AGBL1: variants seen among roughly 807,000 people sequenced by gnomAD.
AGBL1 encodes cytosolic carboxypeptidase 4.
AGBL1 carries 130 observed loss-of-function variants against 118.9 expected under a neutral mutation model. The ratio of observed to expected loss-of-function variants is 1.09; its 90% CI spans 0.95 to 1.26. The LOEUF is 1.26. AGBL1 is among the 50% of genes most tolerant of loss of function. The probability of loss-of-function intolerance (pLI) is 0.00; values close to 1 mark genes in which losing one functional copy is unlikely to be tolerated. For missense variants in AGBL1, 1,584 were observed against 1,298.1 expected, an observed-to-expected ratio of 1.22 and a Z score of -3.38; for synonymous variants, 555 against 478.9, an observed-to-expected ratio of 1.16 and a Z score of -2.08.
chr15:87,016,349 C>T (rs866290931), intron 24 of AGBL1, among the ~76,000 whole-genome samples: 2 of 152,242 alleles, frequency 1.3e-5, no homozygotes, highest in Middle Eastern at 3.4e-3. Context: ...TGGACTCAGC[C>T]TGGAGGAGTT....
intron 22 of AGBL1, among the ~76,000 whole-genome samples, chr15:86,679,484 T>C (rs1284682277): frequency 6.6e-6 from 1 of 152,110 alleles, no homozygotes; most frequent in Non-Finnish European, 1.5e-5. Flanking sequence ...CCAGGGATTT[T>C]TCTGTTTTTC....
chr15:86,565,404 C>A (rs951986111), intron 21 of AGBL1, among the ~76,000 whole-genome samples: 4 of 152,346 alleles, frequency 2.6e-5, no homozygotes, highest in South Asian at 4.1e-4. Context: ...CACTCCAGAC[C>A]CTGTTTGCCT....
chr15:86,167,531 C>A (rs2077358620), intron 5 of AGBL1, among the ~76,000 whole-genome samples: 1 of 152,248 alleles, frequency 6.6e-6, no homozygotes, highest in African/African-American at 2.4e-5. Flanking sequence ...TAGGCGTGAA[C>A]CGCCATGCCT....
chr15:86,172,315 CAG>C (rs1267029755), intron 5 of AGBL1, among the ~76,000 whole-genome samples: 2 of 152,244 alleles, frequency 1.3e-5, no homozygotes, highest in African/African-American at 4.8e-5. Flanking sequence ...ATGATAAAAT[CAG>C]AGTGTTTAGG....
intron 16 of AGBL1, among the ~76,000 whole-genome samples, chr15:86,287,468 A>G (rs2079472551): frequency 6.6e-6 from 1 of 152,100 alleles, no homozygotes; most frequent in East Asian, 1.9e-4. Flanking sequence ...TTTTCATCTC[A>G]TAGCTTTACA....
At chr15:86,758,719 C>T (rs752289668) in intron 22 of AGBL1, among the ~76,000 whole-genome samples, 1 of 151,830 alleles carries the variant, frequency 6.6e-6, no homozygotes, top group African/African-American at 2.4e-5. Context: ...TACCCAAAAT[C>T]CCAGCACTTT....
In AGBL1 at chr15:86,747,007, C is replaced by G. The variant is rs555738307; in HGVS notation, c.3158+72571C>G. ...ATTCAGTAACTCAGCAATTAAGTGG[C>G]ATGCTCATTTCCATAATGGAAACTG... On this transcript the variant is annotated intron_variant, in intron 22 of 22. Coordinates refer to ENST00000614907, the MANE Select transcript of AGBL1 (RefSeq NM_001386094.1). Among the ~76,000 whole-genome samples the G allele has an allele frequency of 5.3e-5, 8 of 152,114 alleles. No homozygotes were observed. The South Asian group carries it at 1.7e-3, about 32-fold the overall frequency.
chr15:86,318,971 C>G (rs1011657680), intron 17 of AGBL1, among the ~76,000 whole-genome samples: 1 of 152,102 alleles, frequency 6.6e-6, no homozygotes, highest in Non-Finnish European at 1.5e-5. Flanking sequence ...CCCGTACAGT[C>G]TTGCTACCAG....
chr15:86,712,041 G>C (rs12903419), intron 22 of AGBL1, among the ~76,000 whole-genome samples: 50,440 of 152,028 alleles, frequency 0.33, 9,953 homozygotes, highest in Non-Finnish European at 0.45. Context: ...AAGATACAGA[G>C]CTGAGTGCTA....
intron 17 of AGBL1, among the ~76,000 whole-genome samples, chr15:86,375,004 AAAG>A (rs2081021797): frequency 6.6e-6 from 1 of 152,174 alleles, no homozygotes; most frequent in African/African-American, 2.4e-5. Flanking sequence ...GTCTGGTCCT[AAAG>A]CTACAGATTC....
intron 21 of AGBL1, among the ~76,000 whole-genome samples, chr15:86,658,442 A>G (rs1206368529): frequency 6.6e-6 from 1 of 152,202 alleles, no homozygotes; most frequent in Admixed American, 6.5e-5. Context: ...TTCTGTGACT[A>G]ATGGACACTG....
At chr15:86,241,300 A>G (rs1309505786) in intron 6 of AGBL1, among the ~76,000 whole-genome samples, 1 of 151,744 alleles carries the variant, frequency 6.6e-6, no homozygotes, top group Non-Finnish European at 1.5e-5. Context: ...TAGGGAAAGG[A>G]ATGATCATTT....
intron 21 of AGBL1, among the ~76,000 whole-genome samples, chr15:86,659,703 T>C (rs562214294): frequency 5.9e-5 from 9 of 152,252 alleles, no homozygotes; most frequent in Non-Finnish European, 5.9e-5. Context: ...CTAAACAAGG[T>C]TGGAGGCAGG....
chr15:86,290,771 T>C (rs1189220785), intron 16 of AGBL1, among the ~76,000 whole-genome samples: 1 of 152,020 alleles, frequency 6.6e-6, no homozygotes, highest in Non-Finnish European at 1.5e-5. Flanking sequence ...ACATGTGCCA[T>C]GCTGGTGTGC....
intron 22 of AGBL1, among the ~76,000 whole-genome samples, chr15:86,703,235 C>A (rs551869317): frequency 6.6e-6 from 1 of 152,084 alleles, no homozygotes; most frequent in East Asian, 1.9e-4. Context: ...AATGCCTAGA[C>A]GAATAGATAT....
chr15:86,987,412 G>T (rs559741806), intron 23 of AGBL1, among the ~76,000 whole-genome samples: 1 of 152,238 alleles, frequency 6.6e-6, no homozygotes, highest in Non-Finnish European at 1.5e-5. Flanking sequence ...AGATGTTTTA[G>T]AATTTTCTGT....
At chr15:86,081,683 G>T (rs1445968076) in intron 1 of AGBL1, among the ~76,000 whole-genome samples, 1 of 152,198 alleles carries the variant, frequency 6.6e-6, no homozygotes, top group Non-Finnish European at 1.5e-5. Flanking sequence ...GACATTCTGA[G>T]ACCTCTTCTA....
At chr15:86,858,807 G>A (rs1211668548) in intron 22 of AGBL1, among the ~76,000 whole-genome samples, 1 of 152,144 alleles carries the variant, frequency 6.6e-6, no homozygotes, top group Non-Finnish European at 1.5e-5. Context: ...GTGAATTAAG[G>A]TGGTCTAGAT....
intron 22 of AGBL1, among the ~76,000 whole-genome samples, chr15:86,707,708 A>G (rs893372288): frequency 6.6e-6 from 1 of 152,196 alleles, no homozygotes; most frequent in African/African-American, 2.4e-5. Flanking sequence ...TTGAAGCAAC[A>G]TTGCATAAGG....
Sources: allele counts gnomAD v4.1 joint callset (sites outside exome capture counted in the v4.1 genomes callset), GRCh38; gene constraint gnomAD v4.1.1; transcripts MANE v1.5; gene names NCBI Gene and HGNC (gene_info 2026-07-23, HGNC 2026-07-21).